Variants in TRPM3 observed in about 807,000 individuals in gnomAD.
The protein encoded by TRPM3 is long transient receptor potential channel 3.
A neutral mutation model predicts 181.2 loss-of-function variants in TRPM3; 77 were observed. That is an observed-to-expected ratio of 0.42 (90% CI 0.35 to 0.51). The LOEUF (loss-of-function observed/expected upper bound fraction) is 0.51. Ranked by LOEUF, TRPM3 falls within the 20% of genes least tolerant of loss-of-function variation. TRPM3 has a pLI of 0.01. For synonymous variants in TRPM3, 745 were observed against 796.4 expected (o/e 0.94, Z 1.09); for missense variants, 1,759 against 2,196.7 (o/e 0.80, Z 3.98).
exon 1 of TRPM3, chr9:71,446,787 C>T: frequency 1.9e-6 from 3 of 1,550,198 alleles, no homozygotes. Flanking sequence ...TCCTCGCGGT[C>T]GGAGCAGCCC....
chr9:70,787,054 T>C (rs2083826141), intron 6 of TRPM3, among the ~76,000 whole-genome samples: 1 of 152,150 alleles, frequency 6.6e-6, no homozygotes, highest in African/African-American at 2.4e-5. Context: ...GCATACATAA[T>C]GAAAAGACCA....
intron 1 of TRPM3, among the ~76,000 whole-genome samples, chr9:71,237,665 T>C (rs1330657276): frequency 2.0e-5 from 3 of 152,218 alleles, no homozygotes; most frequent in African/African-American, 7.2e-5. Flanking sequence ...GATTTTCAGC[T>C]TCATATTTCT....
intron 16 of TRPM3, among the ~76,000 whole-genome samples, chr9:70,619,690 C>G (rs968476885): frequency 6.6e-6 from 1 of 152,094 alleles, no homozygotes; most frequent in African/African-American, 2.4e-5. Flanking sequence ...GCTGGGATTA[C>G]AGGCACGAGT....
intron 6 of TRPM3, among the ~76,000 whole-genome samples, chr9:70,808,674 A>T (rs913572001): frequency 1.3e-5 from 2 of 152,352 alleles, no homozygotes; most frequent in African/African-American, 4.8e-5. Context: ...CTCACAAATT[A>T]TTCTTTAGAG....
At chr9:71,190,078 T>C (rs763345661) in intron 1 of TRPM3, among the ~76,000 whole-genome samples, 3 of 151,850 alleles carry the variant, frequency 2.0e-5, no homozygotes, top group Non-Finnish European at 4.4e-5. Context: ...TGGCCAGAGA[T>C]GTGGAGATTT....
chr9:70,906,828 G>A (rs565804305), intron 1 of TRPM3, among the ~76,000 whole-genome samples: 15 of 152,208 alleles, frequency 9.9e-5, no homozygotes, highest in East Asian at 1.9e-4. Context: ...GGTTGAACCC[G>A]GGAGGCAGAG....
chr9:70,546,748 TATC>T (rs2045050484), intron 25 of TRPM3, among the ~76,000 whole-genome samples: 1 of 151,852 alleles, frequency 6.6e-6, no homozygotes, highest in East Asian at 1.9e-4. Flanking sequence ...TGAGTATAAT[TATC>T]ATTAGTTAGA....
intron 1 of TRPM3, among the ~76,000 whole-genome samples, chr9:71,131,851 A>G (rs2074394641): frequency 1.3e-5 from 2 of 152,244 alleles, no homozygotes; most frequent in Non-Finnish European, 2.9e-5. Flanking sequence ...AAGTACAGGT[A>G]TCAAAAATTC....
intron 1 of TRPM3, among the ~76,000 whole-genome samples, chr9:71,326,438 G>C (rs547519020): frequency 6.6e-6 from 1 of 152,162 alleles, no homozygotes; most frequent in Non-Finnish European, 1.5e-5. Context: ...ATGTATGTAT[G>C]TATTTAACTC....
chr9:70,808,063 G>A (rs1422926403), intron 6 of TRPM3, among the ~76,000 whole-genome samples: 1 of 152,126 alleles, frequency 6.6e-6, no homozygotes, highest in Non-Finnish European at 1.5e-5. Context: ...GATCTACATG[G>A]TGTTATGTTA....
chr9:70,654,432 G>T (rs752819949), intron 9 of TRPM3, among the ~76,000 whole-genome samples: 1 of 152,014 alleles, frequency 6.6e-6, no homozygotes, highest in African/African-American at 2.4e-5. Flanking sequence ...GCATACAAGG[G>T]CTGATCACTT....
At chr9:70,985,526 T>C (rs1437847631) in intron 1 of TRPM3, among the ~76,000 whole-genome samples, 1 of 152,220 alleles carries the variant, frequency 6.6e-6, no homozygotes, top group Non-Finnish European at 1.5e-5. Context: ...CCAAGACATT[T>C]TTTAGTTAGG....
intron 1 of TRPM3, among the ~76,000 whole-genome samples, chr9:71,299,717 C>G (rs1433987430): frequency 6.6e-6 from 1 of 152,106 alleles, no homozygotes; most frequent in African/African-American, 2.4e-5. Context: ...GATTGGCAAA[C>G]AAACTTTGTA....
intron 9 of TRPM3, among the ~76,000 whole-genome samples, chr9:70,667,587 G>A (rs1420034269): frequency 2.6e-5 from 4 of 152,142 alleles, no homozygotes; most frequent in African/African-American, 9.7e-5. Flanking sequence ...TGATTGGAGT[G>A]TGCTTTGCAG....
At chr9:71,016,196 T>C (rs2097783224) in intron 1 of TRPM3, among the ~76,000 whole-genome samples, 1 of 151,642 alleles carries the variant, frequency 6.6e-6, no homozygotes, top group East Asian at 1.9e-4. Context: ...ACTACAGATC[T>C]CATTGAAATC....
intron 1 of TRPM3, among the ~76,000 whole-genome samples, chr9:71,088,043 T>C (rs139038889): frequency 3.9e-5 from 6 of 152,154 alleles, no homozygotes; most frequent in Non-Finnish European, 7.4e-5. Context: ...TTGTGCTTGA[T>C]ATTGGGCTAG....
chr9:70,783,881 A>G, intron 7 of TRPM3: 3 of 1,240,584 alleles, frequency 2.4e-6, no homozygotes, highest in Non-Finnish European at 3.0e-6. Flanking sequence ...CACCCTTTTT[A>G]TTATCCGTGT....
chr9:70,648,315 T>C (rs979983013), intron 9 of TRPM3, among the ~76,000 whole-genome samples: 1 of 151,852 alleles, frequency 6.6e-6, no homozygotes, highest in African/African-American at 2.4e-5. Context: ...TCTCTATAAG[T>C]AATACAAAAT....
intron 1 of TRPM3, among the ~76,000 whole-genome samples, chr9:71,027,102 C>T (rs975772998): frequency 6.6e-6 from 1 of 152,148 alleles, no homozygotes; most frequent in South Asian, 2.1e-4. Flanking sequence ...AGCACCTCAG[C>T]CCCTCCAGTG....
Sources: gnomAD v4.1 joint callset for allele counts (sites outside exome capture counted in the v4.1 genomes callset) on GRCh38, gnomAD v4.1.1 for gene constraint, MANE v1.5 for transcripts, NCBI Gene and HGNC (gene_info 2026-07-23, HGNC 2026-07-21) for gene names.